Variants in GRM7 observed in about 807,000 individuals in gnomAD.
GRM7 encodes the protein metabotropic glutamate receptor 7.
A neutral mutation model predicts 84.5 loss-of-function variants in GRM7; 35 were observed. That is an observed-to-expected ratio of 0.41 (90% CI 0.32 to 0.55). GRM7 has a LOEUF of 0.55. Ranked by LOEUF, GRM7 falls within the 20% of genes least tolerant of loss-of-function variation. The pLI is 0.19. For missense variants in GRM7, 1,003 were observed against 1,194.6 expected (o/e 0.84, Z 2.36); for synonymous variants, 487 against 455.1 (o/e 1.07, Z -0.89).
chr3:7,137,116 C>G (rs953951804), intron 1 of GRM7, among the ~76,000 whole-genome samples: 22 of 152,010 alleles, frequency 1.4e-4, no homozygotes, highest in Admixed American at 1.4e-3. Flanking sequence ...CACCACAATA[C>G]ATTTTATTGA....
intron 2 of GRM7, among the ~76,000 whole-genome samples, chr3:7,288,980 T>A (rs1290319944): frequency 6.6e-6 from 1 of 152,208 alleles, no homozygotes; most frequent in Non-Finnish European, 1.5e-5. Context: ...ATGATAAAAA[T>A]GCCTGCTTTT....
intron 7 of GRM7, among the ~76,000 whole-genome samples, chr3:7,477,582 A>G (rs1031112372): frequency 6.6e-6 from 1 of 152,330 alleles, no homozygotes; most frequent in South Asian, 2.1e-4. Context: ...GGCTCCACCA[A>G]GTACCAGACT....
At chr3:7,387,438 C>G (rs1395714390) in intron 4 of GRM7, among the ~76,000 whole-genome samples, 1 of 152,178 alleles carries the variant, frequency 6.6e-6, no homozygotes, top group Non-Finnish European at 1.5e-5. Context: ...ACTTTTAAGT[C>G]TTTAATTCAT....
chr3:7,339,531 C>T lies in GRM7; in HGVS notation c.1033+32879C>T, dbSNP rs529322283. On this transcript the variant is annotated intron_variant, in intron 4 of 9. Coordinates refer to ENST00000357716, the MANE Select transcript of GRM7 (RefSeq NM_000844.4). ...TGTTCCTTTGCACAGGGCATTGACA[C>T]GATTTTGGGGTGGCCTCCTACGACC... Among the ~76,000 whole-genome samples the T allele has an allele frequency of 6.6e-5, 10 of 152,230 alleles. No homozygotes were observed. The South Asian group carries it at 8.3e-4, about 13-fold the overall frequency.
intron 7 of GRM7, among the ~76,000 whole-genome samples, chr3:7,465,165 A>G (rs979858244): frequency 1.3e-5 from 2 of 152,134 alleles, no homozygotes; most frequent in African/African-American, 4.8e-5. Context: ...AAGTGGGAGC[A>G]TTCTTTATTC....
intron 1 of GRM7, among the ~76,000 whole-genome samples, chr3:6,966,565 TA>T (rs1693528902): frequency 6.6e-6 from 1 of 152,248 alleles, no homozygotes; most frequent in Admixed American, 6.5e-5. Context: ...TGAATTCGTA[TA>T]ATCATTTCCT....
At chr3:7,447,114 G>C (rs1342539445) in intron 5 of GRM7, among the ~76,000 whole-genome samples, 1 of 152,122 alleles carries the variant, frequency 6.6e-6, no homozygotes, top group Non-Finnish European at 1.5e-5. Context: ...GCATACTAGA[G>C]AGGTAAAAGA....
intron 8 of GRM7, among the ~76,000 whole-genome samples, chr3:7,662,439 A>G (rs1181783965): frequency 6.6e-6 from 1 of 151,936 alleles, no homozygotes; most frequent in African/African-American, 2.4e-5. Context: ...GTTCTAAATT[A>G]TAAGTCTGAT....
At chr3:7,364,230 T>C (rs1013405636) in intron 4 of GRM7, among the ~76,000 whole-genome samples, 6 of 151,978 alleles carry the variant, frequency 3.9e-5, no homozygotes, top group African/African-American at 1.4e-4. Flanking sequence ...TTGGTATCTT[T>C]CTTCCTGAGT....
At chr3:7,505,225 A>G (rs1456766605) in intron 7 of GRM7, among the ~76,000 whole-genome samples, 2 of 152,190 alleles carry the variant, frequency 1.3e-5, no homozygotes, top group Non-Finnish European at 2.9e-5. Context: ...CTCCTCCACA[A>G]AATTTCTGGC....
chr3:7,170,652 A>G (rs929129516), intron 2 of GRM7, among the ~76,000 whole-genome samples: 2 of 152,202 alleles, frequency 1.3e-5, no homozygotes, highest in African/African-American at 4.8e-5. Context: ...CCTCACACAT[A>G]GAGAGATTAT....
intron 1 of GRM7, among the ~76,000 whole-genome samples, chr3:6,983,106 T>C (rs1432913533): frequency 2.0e-5 from 3 of 152,224 alleles, no homozygotes; most frequent in African/African-American, 7.2e-5. Flanking sequence ...TTTAGAAATG[T>C]ATTTTAATTG....
intron 1 of GRM7, among the ~76,000 whole-genome samples, chr3:7,013,394 T>A (rs11921547): frequency 0.013 from 1,974 of 152,268 alleles, 32 homozygotes; most frequent in African/African-American, 0.045. Context: ...CTGCCTTGAT[T>A]ATTTTGAAGC....
intron 9 of GRM7, among the ~76,000 whole-genome samples, chr3:7,730,215 C>T (rs544890375): frequency 4.0e-5 from 6 of 150,314 alleles, no homozygotes; most frequent in Middle Eastern, 7.0e-3. Flanking sequence ...ACCATGTTGG[C>T]CAGGATGGTC....
In GRM7 at chr3:7,357,760, T is replaced by A. The variant is rs560623241; in HGVS notation, c.1033+51108T>A. 2.0e-5 allele frequency among the ~76,000 whole-genome samples: 3 copies of A among 152,224 alleles called. No homozygotes were observed. The South Asian group carries it at 6.2e-4, about 32-fold the overall frequency. ...TGACAGGTCACCATGTGTCATAGCT[T>A]TTGCATTCTCTATTTCCACTATAAT... On this transcript the variant is annotated intron_variant, in intron 4 of 9. Coordinates refer to ENST00000357716, the MANE Select transcript of GRM7 (RefSeq NM_000844.4).
intron 2 of GRM7, among the ~76,000 whole-genome samples, chr3:7,176,688 G>A (rs1695162351): frequency 6.6e-6 from 1 of 152,080 alleles, no homozygotes; most frequent in South Asian, 2.1e-4. Context: ...TTTCATTCAT[G>A]TCTCTTCCTT....
At chr3:6,936,305 C>T (rs1199196178) in intron 1 of GRM7, among the ~76,000 whole-genome samples, 2 of 152,166 alleles carry the variant, frequency 1.3e-5, no homozygotes, top group South Asian at 2.1e-4. Flanking sequence ...AGACACCTCC[C>T]CATAAACAGC....
chr3:7,044,789 A>T (rs1371088774), intron 1 of GRM7, among the ~76,000 whole-genome samples: 1 of 152,086 alleles, frequency 6.6e-6, no homozygotes, highest in South Asian at 2.1e-4. Flanking sequence ...TAAGTTCCAA[A>T]TATTCTCAGA....
At chr3:7,255,111 A>G (rs1435127326) in intron 2 of GRM7, among the ~76,000 whole-genome samples, 1 of 152,202 alleles carries the variant, frequency 6.6e-6, no homozygotes, top group African/African-American at 2.4e-5. Flanking sequence ...TACAGGATCT[A>G]TGTTCACTGA....
Sources: gnomAD v4.1 joint callset for allele counts (sites outside exome capture counted in the v4.1 genomes callset) on GRCh38, gnomAD v4.1.1 for gene constraint, MANE v1.5 for transcripts, NCBI Gene and HGNC (gene_info 2026-07-23, HGNC 2026-07-21) for gene names.